ZNF185: variants seen among roughly 807,000 people sequenced by gnomAD.
ZNF185 encodes the protein zinc finger protein 185 with LIM domain, also known as zinc finger protein 185.
Under a neutral mutation model 58.6 loss-of-function variants are expected in ZNF185, and 56 were observed. The observed-to-expected ratio is 0.95, with a 90% CI of 0.77 to 1.19. The LOEUF (loss-of-function observed/expected upper bound fraction) is 1.19, where lower values mean the gene tolerates loss of function less well. Ranked by LOEUF, ZNF185 falls within the 50% of genes most tolerant of loss-of-function variation. The pLI, the probability that ZNF185 is intolerant of heterozygous loss-of-function variation, is 0.00. For missense variants in ZNF185, 627 were observed against 573.5 expected, an observed-to-expected ratio of 1.09 and a Z score of -0.95; for synonymous variants, 230 against 215.9, an observed-to-expected ratio of 1.07 and a Z score of -0.57.
exon 23 of ZNF185, chrX:152,973,258 T>G (rs1430279849): frequency 8.9e-6 from 1 of 112,344 alleles, no homozygotes; most frequent in Middle Eastern, 4.2e-3. Context: ...TAAGGGAGTT[T>G]TAGAACCAAC....
chrX:152,931,888 C>CA, intron 13 of ZNF185, 112 bp downstream of exon 14: 1 of 611,845 alleles, frequency 1.6e-6, no homozygotes, highest in Non-Finnish European at 2.4e-6. Flanking sequence ...CAGCTGGGGC[C>CA]AGGAAGGTCC....
Position 152,935,238 on chromosome X carries a change from C to CTTTT in ZNF185, c.1121+2279_1121+2282dup, listed in dbSNP as rs61588750. ...TCAACAAACTCCTTTATTGTTTTTC[C>CTTTT]TTTTTTTTTTTTTTTGAGACGGACT... On this transcript the variant is annotated intron_variant, in intron 14 of 22. Coordinates refer to ENST00000449285, the Ensembl canonical transcript of ZNF185. Among the ~76,000 whole-genome samples, 163 of 97,211 alleles carry CTTTT rather than the reference C, an allele frequency of 1.7e-3. 1 individual carries two copies. The highest frequency in any genetic ancestry group is 3.1e-3 in the East Asian group (10 of 3,175). 84.4% of individuals were successfully genotyped at this position (97,211 alleles called of 115,157 possible).
chrX:152,959,055 G>T (rs11094602), intron 16 of ZNF185, among the ~76,000 whole-genome samples: 1 of 112,678 alleles, frequency 8.9e-6, no homozygotes, highest in African/African-American at 3.2e-5. Flanking sequence ...CAGCAGTCCC[G>T]GTTCCTGCCG....
intron 14 of ZNF185, among the ~76,000 whole-genome samples, chrX:152,934,477 T>G (rs1235734743): frequency 1.8e-5 from 2 of 112,530 alleles, no homozygotes; most frequent in African/African-American, 3.2e-5. Flanking sequence ...TTCTAGATTT[T>G]CATGAATTTT....
At chrX:152,902,418 A>G in the ZNF185 span, among the ~76,000 whole-genome samples, 1 of 113,288 alleles carries the variant, frequency 8.8e-6, no homozygotes, top group Non-Finnish European at 1.9e-5. Flanking sequence ...GAGAGCAAGC[A>G]CAAGGATTTT....
chrX:152,965,984 A>C (rs782177224), intron 19 of ZNF185, among the ~76,000 whole-genome samples: 20 of 109,660 alleles, frequency 1.8e-4, no homozygotes, highest in African/African-American at 5.3e-4. Flanking sequence ...TTGCTTTTTA[A>C]TTTTAATTAA....
exon 13 of ZNF185, chrX:152,931,711 C>G (rs1569501631): frequency 3.3e-6 from 4 of 1,210,580 alleles, no homozygotes; most frequent in Non-Finnish European, 4.5e-6. Context: ...CCCCCTGCTC[C>G]AGAGAGCTCC....
the ZNF185 span, among the ~76,000 whole-genome samples, chrX:152,904,834 T>C: frequency 1.8e-5 from 2 of 111,807 alleles, no homozygotes; most frequent in Non-Finnish European, 3.8e-5. Context: ...GTGGCCTTGG[T>C]GATGACCGGA....
At position 152,937,787 on chromosome X, in the gene ZNF185, C is replaced by G. The variant is rs138596715; in HGVS notation, c.1122-287C>G. On this transcript the variant is annotated intron_variant, in intron 14 of 22. Coordinates refer to ENST00000449285, the Ensembl canonical transcript of ZNF185. ...CCTTGAACAAAGCACATCCAGGTAC[C>G]TTACAGGATACTAGAACCCAAAACC... is the stretch of plus-strand genomic sequence containing the variant. Among the ~76,000 whole-genome samples the G allele has an allele frequency of 9.8e-5, 11 of 112,357 alleles. No homozygotes were observed. The East Asian group carries it at 3.1e-3, about 31-fold the overall frequency.
At chrX:152,919,061 C>T (rs1043632810) in exon 7 of ZNF185, 18 of 1,206,610 alleles carry the variant, frequency 1.5e-5, no homozygotes, top group Non-Finnish European at 2.0e-5. Flanking sequence ...TGCCATTCTC[C>T]TCAGATGAAC....
intron 15 of ZNF185, among the ~76,000 whole-genome samples, chrX:152,944,378 G>T (rs1283638841): frequency 2.7e-5 from 3 of 112,613 alleles, no homozygotes; most frequent in Non-Finnish European, 5.6e-5. Flanking sequence ...TGTTGGGAAG[G>T]TTATATTCAG....
In ZNF185 at chrX:152,952,894, G is replaced by A. The variant is rs782401229; in HGVS notation, c.1410-6805G>A. The stretch of plus-strand genomic sequence containing the variant: ...ACAGAATGAGTGCCATAGGGGCAGG[G>A]CATGTAGTCAGCAAGGGAGGAGGAG... On this transcript the variant is annotated intron_variant, in intron 16 of 22. Coordinates refer to ENST00000449285, the Ensembl canonical transcript of ZNF185. Among the ~76,000 whole-genome samples, 4 of 108,028 alleles carry A rather than the reference G, an allele frequency of 3.7e-5. No individual in the cohort carries two copies. In the East Asian group the frequency reaches 1.2e-3, roughly 31 times the overall value. 93.8% of individuals were successfully genotyped at this position (108,028 alleles called of 115,157 possible).
chrX:152,929,394 G>C (rs1556875457), intron 12 of ZNF185, among the ~76,000 whole-genome samples: 1 of 111,249 alleles, frequency 9.0e-6, no homozygotes, highest in African/African-American at 3.3e-5. Context: ...CCAGGGACTG[G>C]GGAGAGAAGC....
intron 16 of ZNF185, among the ~76,000 whole-genome samples, chrX:152,949,777 T>C (rs1230731425): frequency 9.0e-6 from 1 of 111,230 alleles, no homozygotes; most frequent in Non-Finnish European, 1.9e-5. Context: ...GATGGAAAAA[T>C]TAAAAAAAAT....
At chrX:152,903,171 T>C in the ZNF185 span, among the ~76,000 whole-genome samples, 3 of 109,230 alleles carry the variant, frequency 2.7e-5, no homozygotes, top group Non-Finnish European at 5.7e-5. Flanking sequence ...GGTGGATCAC[T>C]TGAGGTCAGG....
At chrX:152,899,058 G>A in the ZNF185 span, among the ~76,000 whole-genome samples, 2 of 111,743 alleles carry the variant, frequency 1.8e-5, no homozygotes, top group African/African-American at 6.5e-5. Flanking sequence ...GGTGTGTCCC[G>A]GCTTTGGGAC....
At chrX:152,919,149 G>T in intron 7 of ZNF185, 68 bp downstream of exon 8, 1 of 871,316 alleles carries the variant, frequency 1.1e-6, no homozygotes. Flanking sequence ...GAAGACTGCT[G>T]GAATGAATTG....
chrX:152,917,145 G>A, exon 4 of ZNF185: 2 of 1,211,510 alleles, frequency 1.7e-6, no homozygotes, highest in Non-Finnish European at 2.2e-6. Flanking sequence ...CCGAGCACAA[G>A]GGCTCCCACT....
intron 18 of ZNF185, among the ~76,000 whole-genome samples, chrX:152,964,773 G>A (rs1232015185): frequency 1.3e-4 from 14 of 110,639 alleles, no homozygotes; most frequent in African/African-American, 3.6e-4. Flanking sequence ...TGTTGGGGGC[G>A]GGAGGGGGGC....
Sources: allele counts gnomAD v4.1 joint callset (sites outside exome capture counted in the v4.1 genomes callset), GRCh38; gene constraint gnomAD v4.1.1; transcripts MANE v1.5; gene names NCBI Gene and HGNC (gene_info 2026-07-23, HGNC 2026-07-21).